The following PAK1 variants were observed in gnomAD, a reference collection of about 807,000 sequenced individuals.
PAK1 encodes serine/threonine-protein kinase PAK 1.
In PAK1, 29 loss-of-function variants were observed where a neutral mutation model predicts 67.4. The ratio of observed to expected loss-of-function variants is 0.43; its 90% CI spans 0.32 to 0.59. PAK1 has a LOEUF of 0.59. PAK1 is among the 20% of genes least tolerant of loss of function. The pLI is 0.07. For missense variants in PAK1, 337 were observed against 670.7 expected, an observed-to-expected ratio of 0.50 and a Z score of 5.50; for synonymous variants, 223 against 237.4, an observed-to-expected ratio of 0.94 and a Z score of 0.56.
intron 1 of PAK1, among the ~76,000 whole-genome samples, chr11:77,402,946 C>G (rs1487805538): frequency 6.6e-6 from 1 of 152,136 alleles, no homozygotes; most frequent in Non-Finnish European, 1.5e-5. Context: ...ACCAAATTCC[C>G]TCCCCCTATG....
At chr11:77,337,445 G>C (rs1262943984) in intron 11 of PAK1, 22 bp from the exon 12 acceptor site, 2 of 1,340,592 alleles carry the variant, frequency 1.5e-6, no homozygotes, top group African/African-American at 1.4e-5. Context: ...GTGTGGGCAG[G>C]GGGAGAAAGA....
At chr11:77,423,073 GC>G (rs1337518731) in intron 1 of PAK1, among the ~76,000 whole-genome samples, 1 of 151,856 alleles carries the variant, frequency 6.6e-6, no homozygotes, top group Non-Finnish European at 1.5e-5. Context: ...ACTACTTACA[GC>G]TGAAAATATT....
At chr11:77,422,332 G>A (rs999017548) in intron 1 of PAK1, among the ~76,000 whole-genome samples, 5 of 152,054 alleles carry the variant, frequency 3.3e-5, no homozygotes, top group East Asian at 1.9e-4. Flanking sequence ...AGGCTGAAGC[G>A]GGTGAATCAC....
intron 1 of PAK1, among the ~76,000 whole-genome samples, chr11:77,397,520 T>C (rs186408712): frequency 4.4e-4 from 67 of 152,238 alleles, no homozygotes; most frequent in Non-Finnish European, 8.1e-4. Context: ...GGAGGGGAAG[T>C]GATTTGTGCC....
chr11:77,458,900 T>C (rs1957196772), intron 1 of PAK1, among the ~76,000 whole-genome samples: 1 of 152,174 alleles, frequency 6.6e-6, no homozygotes, highest in South Asian at 2.1e-4. Context: ...ATACTGAAGA[T>C]ACAGCAAAGA....
chr11:77,492,293 C>G, the PAK1 span, among the ~76,000 whole-genome samples: 2 of 151,754 alleles, frequency 1.3e-5, no homozygotes, highest in Admixed American at 1.3e-4. Context: ...TGAGATCACG[C>G]CACTGCACAC....
At chr11:77,396,078 C>G (rs1026977542) in intron 1 of PAK1, among the ~76,000 whole-genome samples, 3 of 152,158 alleles carry the variant, frequency 2.0e-5, no homozygotes, top group African/African-American at 7.2e-5. Context: ...GGCCCACAGC[C>G]CACGATTATG....
intron 1 of PAK1, among the ~76,000 whole-genome samples, chr11:77,424,230 C>G (rs916252073): frequency 6.6e-6 from 1 of 152,208 alleles, no homozygotes; most frequent in Non-Finnish European, 1.5e-5. Context: ...GGGGATGCTA[C>G]TGCCTCTGCC....
chr11:77,444,517 T>C (rs1368656923), intron 1 of PAK1, among the ~76,000 whole-genome samples: 1 of 152,224 alleles, frequency 6.6e-6, no homozygotes, highest in African/African-American at 2.4e-5. Flanking sequence ...AGTGAAGCCA[T>C]CTAACTCTTT....
At chr11:77,362,529 A>C (rs1273597927) in intron 5 of PAK1, among the ~76,000 whole-genome samples, 2 of 152,214 alleles carry the variant, frequency 1.3e-5, no homozygotes, top group African/African-American at 4.8e-5. Context: ...TTTGGAATCA[A>C]CTAGCTTAGG....
intron 2 of PAK1, among the ~76,000 whole-genome samples, chr11:77,388,274 T>C (rs1053418208): frequency 2.0e-5 from 3 of 152,250 alleles, no homozygotes; most frequent in African/African-American, 7.2e-5. Context: ...AATGGCCTAG[T>C]TTCTTTTCAC....
chr11:77,458,996 C>T (rs1255448864), intron 1 of PAK1, among the ~76,000 whole-genome samples: 1 of 152,080 alleles, frequency 6.6e-6, no homozygotes, highest in Non-Finnish European at 1.5e-5. Context: ...GAACTGGCAT[C>T]CAAGTTGCAT....
At chr11:77,326,378 C>A (rs879355486) in intron 14 of PAK1, among the ~76,000 whole-genome samples, 1 of 152,180 alleles carries the variant, frequency 6.6e-6, no homozygotes, top group Non-Finnish European at 1.5e-5. Flanking sequence ...CCAAAAGCCA[C>A]ACTCACTAAT....
rs1209951578 is a variant in PAK1 at position 77,429,079 on chromosome 11, AAAAAAAAAAAAAAAACAC to A, written c.-21-36556_-21-36539del. On this transcript the variant is annotated intron_variant, in intron 1 of 14. Coordinates refer to ENST00000356341, the MANE Select transcript of PAK1 (RefSeq NM_002576.5). ...ACTAAAAAAAAAAAAAAAAAAAAAA[AAAAAAAAAAAAAAAACAC>A]ACACACACACATCAGGATTCCTTGG... is the stretch of plus-strand genomic sequence containing the variant. Among the ~76,000 whole-genome samples, 3 of 121,932 alleles carry A rather than the reference AAAAAAAAAAAAAAAACAC, an allele frequency of 2.5e-5. No individual in the cohort carries two copies. In the East Asian group the frequency reaches 1.0e-3, roughly 42 times the overall value. The allele number at this position is 121,932 out of a possible 152,430, so 80.0% of individuals were successfully genotyped here.
At chr11:77,352,173 C>T (rs894016391) in intron 8 of PAK1, among the ~76,000 whole-genome samples, 4 of 152,144 alleles carry the variant, frequency 2.6e-5, no homozygotes, top group East Asian at 1.9e-4. Flanking sequence ...AAAGACACTA[C>T]AGTCATTACC....
upstream of PAK1, chr11:77,475,730 CTG>C (rs971841034): frequency 1.3e-5 from 2 of 152,176 alleles, no homozygotes; most frequent in African/African-American, 2.4e-5. Flanking sequence ...CTTAACAAAA[CTG>C]TAATTCTATA....
intron 2 of PAK1, among the ~76,000 whole-genome samples, chr11:77,391,993 GA>G (rs1409017403): frequency 5.3e-5 from 8 of 152,090 alleles, no homozygotes; most frequent in Admixed American, 2.0e-4. Flanking sequence ...AACTCGGGGG[GA>G]AAAAAATTCC....
intron 11 of PAK1, among the ~76,000 whole-genome samples, chr11:77,339,918 A>G (rs1027265610): frequency 6.6e-6 from 1 of 152,032 alleles, no homozygotes; most frequent in African/African-American, 2.4e-5. Context: ...AAAACACCCA[A>G]TATCCTCAAT....
the PAK1 span, among the ~76,000 whole-genome samples, chr11:77,494,884 C>T: frequency 6.6e-6 from 1 of 152,060 alleles, no homozygotes; most frequent in Non-Finnish European, 1.5e-5. Flanking sequence ...AAAAATTAGG[C>T]TGGGCGCGGT....
Sources: allele counts gnomAD v4.1 joint callset (sites outside exome capture counted in the v4.1 genomes callset), GRCh38; gene constraint gnomAD v4.1.1; transcripts MANE v1.5; gene names NCBI Gene and HGNC (gene_info 2026-07-23, HGNC 2026-07-21).